Variants in NLRP2 observed in about 807,000 individuals in gnomAD.
NLRP2 encodes the protein NACHT, LRR and PYD domains-containing protein 2.
NLRP2 carries 107 observed loss-of-function variants against 97.2 expected under a neutral mutation model. The ratio of observed to expected loss-of-function variants is 1.10; its 90% CI spans 0.94 to 1.29. The LOEUF is 1.29. Among genes scored for constraint, NLRP2 ranks in the 50% most tolerant of loss-of-function variants. The probability of loss-of-function intolerance (pLI) is 0.00; values close to 1 mark genes in which losing one functional copy is unlikely to be tolerated. For synonymous variants in NLRP2, 663 were observed against 551.5 expected (o/e 1.20, Z -2.83); for missense variants, 1,495 against 1,330.3 (o/e 1.12, Z -1.93).
Position 54,982,824 on chromosome 19 carries a change from G to A in NLRP2, c.1126G>A (p.Asp376Asn). Residue 376 changes from aspartate (D) to asparagine (N), a missense_variant, in exon 6 of 13, where the codon GAC (aspartate) becomes AAC (asparagine). By Grantham distance (23) the Asp-to-Asn change is conservative. Transcript: ENST00000448584. ...TTTCCTGAGACACTTTGGAGACGAG[G>A]ACCAAGCCATGCGTGCCTTTGAGCT... is the stretch of plus-strand genomic sequence containing the variant. ...AYFLRHFGDE[D>N]QAMRAFELMR... The A allele has an allele frequency of 6.2e-7, 1 of 1,613,748 alleles. No individual in the cohort carries two copies. The highest frequency in any genetic ancestry group is 8.5e-7 in the Non-Finnish European group (1 of 1,179,970).
intron 2 of NLRP2, chr19:54,974,234 G>A (rs774987848): frequency 6.9e-6 from 4 of 582,422 alleles, no homozygotes; most frequent in Non-Finnish European, 1.2e-5. Flanking sequence ...TATGCCTATA[G>A]TCCCAGCTAC....
chr19:54,978,644 T>TC (rs1419039327), intron 4 of NLRP2, among the ~76,000 whole-genome samples: 3 of 151,736 alleles, frequency 2.0e-5, no homozygotes, highest in Admixed American at 2.0e-4. Flanking sequence ...GATCAAGAGA[T>TC]CGAGACCATC....
chr19:54,984,483 A>ATTTTTTTTTTTTTTTTTTTTTTT (rs1568505832), intron 6 of NLRP2, among the ~76,000 whole-genome samples: 1 of 46,188 alleles, frequency 2.2e-5, no homozygotes, highest in African/African-American at 1.9e-4. Flanking sequence ...TATATTCCCA[A>ATTTTTTTTTTTTTTTTTTTTTTT]TCTTTTTTTT....
chr19:54,968,568 A>G (rs1045922713), intron 1 of NLRP2, among the ~76,000 whole-genome samples: 5 of 151,312 alleles, frequency 3.3e-5, no homozygotes, highest in Non-Finnish European at 7.4e-5. Context: ...ACTCCAAGCA[A>G]TCCTCCCACC....
chr19:54,975,296 A>G (rs1191964986), intron 3 of NLRP2, among the ~76,000 whole-genome samples: 2 of 117,312 alleles, frequency 1.7e-5, no homozygotes, highest in South Asian at 6.1e-4. Flanking sequence ...AATTTTTTTC[A>G]CTTTTTGTAG....
At position 54,982,784 on chromosome 19, in the gene NLRP2, G is replaced by A; in HGVS notation, c.1086G>A (p.Glu362=). ...IYIRVEGFLE[E]DRRAYFLRHF... is the part of the protein sequence containing the mutation. ...TAAGGGTGGAGGGCTTCCTGGAGGAGGACAGGAGGGCCTATTTCCTGAGAC... is the reference window on the plus strand; with the variant it reads ...TAAGGGTGGAGGGCTTCCTGGAGGAAGACAGGAGGGCCTATTTCCTGAGAC... The change falls in exon 6 of 13, where the codon GAG becomes GAA. Residue 362 remains glutamate, a synonymous_variant. Transcript: ENST00000448584. 2 of 1,614,110 alleles carry A rather than the reference G, an allele frequency of 1.2e-6. No individual in the cohort carries two copies. Among genetic ancestry groups the A allele is most frequent in the Non-Finnish European group, 1.7e-6 (2 of 1,180,014 alleles).
chr19:54,980,213 T>G (rs528410046), intron 4 of NLRP2, among the ~76,000 whole-genome samples: 1,915 of 151,972 alleles, frequency 0.013, 17 homozygotes, highest in Non-Finnish European at 0.017. Flanking sequence ...TTTTGTTTTT[T>G]TTTTTGAGAC....
At chr19:54,991,968 G>A (rs1286816463) in intron 10 of NLRP2, among the ~76,000 whole-genome samples, 18 of 139,770 alleles carry the variant, frequency 1.3e-4, no homozygotes, top group African/African-American at 4.8e-4. Context: ...TCTTGCCCAC[G>A]CTGGCAATGG....
chr19:54,990,862 T>TA, intron 10 of NLRP2, 190 bp downstream of exon 10: 1 of 644,462 alleles, frequency 1.6e-6, no homozygotes, highest in Admixed American at 2.6e-5. Flanking sequence ...GTAGTAGTAA[T>TA]ATTCTATAGG....
intron 3 of NLRP2, among the ~76,000 whole-genome samples, chr19:54,977,219 C>T (rs1435294241): frequency 2.0e-5 from 3 of 151,884 alleles, no homozygotes; most frequent in African/African-American, 4.8e-5. Context: ...GTTGGGAGTT[C>T]GAGACCAGCC....
At chr19:54,980,127 C>G (rs185316279) in intron 4 of NLRP2, among the ~76,000 whole-genome samples, 1 of 151,776 alleles carries the variant, frequency 6.6e-6, no homozygotes, top group East Asian at 1.9e-4. Context: ...ACTGTGGTGC[C>G]TGCTCTATCA....
At chr19:54,993,919 A>T in intron 10 of NLRP2, 1 of 372,966 alleles carries the variant, frequency 2.7e-6, no homozygotes, top group Non-Finnish European at 5.0e-6. Context: ...GCATCTTCAA[A>T]CGTTGCCCTG....
Position 55,000,908 on chromosome 19 carries a change from A to G in NLRP2, c.*10A>G. 1 of 1,613,426 alleles carries G rather than the reference A, an allele frequency of 6.2e-7. No homozygotes were observed. The highest frequency in any genetic ancestry group is 8.5e-7 in the Non-Finnish European group (1 of 1,179,566). On this transcript the variant is annotated 3_prime_UTR_variant, in exon 13 of 13. Transcript: ENST00000448584. ...TGACTTCATGATCTGAATCCCCCCG[A>G]GTCATTCATTCTCCATGAAGTCATC...
At position 54,970,139 on chromosome 19, in the gene NLRP2, A is replaced by G. The variant is rs759028823; in HGVS notation, c.124A>G (p.Ile42Val). 9 of 1,614,090 alleles carry G rather than the reference A, an allele frequency of 5.6e-6. No homozygotes were observed. The highest frequency in any genetic ancestry group is 3.3e-4 in the Middle Eastern group (2 of 6,062). ...TFSLAHELQK[I>V]PHKEVDKADG... ...CTCCCTGGCACACGAGCTCCAGAAG[A>G]TCCCCCACAAGGAGGTAGACAAGGC... Residue 42 changes from isoleucine to valine, a missense_variant, in exon 2 of 13, where the codon ATC becomes GTC. Physicochemically the swap from Ile to Val is conservative, Grantham distance 29. Transcript: ENST00000448584.
At position 54,982,557 on chromosome 19, in the gene NLRP2, A is replaced by G; in HGVS notation, c.859A>G (p.Ile287Val). The change falls in exon 6 of 13, where the codon ATT becomes GTT. Residue 287 changes from isoleucine (I) to valine (V), a missense_variant. Ile to Val is a conservative substitution (Grantham distance 29). Transcript: ENST00000448584. ...LAQARKILFVIDGFDELGAAP... is the reference protein window; with the variant it reads ...LAQARKILFVVDGFDELGAAP... The stretch of plus-strand genomic sequence containing the variant: ...CCAAGCACGGAAAATCTTGTTCGTG[A>G]TTGACGGCTTTGATGAGCTGGGAGC... 1.2e-6 allele frequency: 2 copies of G among 1,614,180 alleles called. No homozygotes were observed. Among genetic ancestry groups the G allele is most frequent in the Middle Eastern group, 1.6e-4 (1 of 6,062 alleles).
Position 54,997,336 on chromosome 19 carries a change from C to T in NLRP2, c.2899C>T (p.Pro967Ser), listed in dbSNP as rs375615677. The change falls in exon 12 of 13, where the codon CCT becomes TCT. Residue 967 changes from proline (P) to serine (S), a missense_variant. Coordinates refer to ENST00000448584, the MANE Select transcript of NLRP2 (RefSeq NM_017852.5). ...RCLWLWGCSI[P>S]PFSCEDLCSA... ...CCCCAGGTTGTGGGGATGTTCCATC[C>T]CTCCGTTCAGTTGTGAAGACCTCTG... is the stretch of plus-strand genomic sequence containing the variant. The T allele has an allele frequency of 1.2e-6, 2 of 1,613,686 alleles. No homozygotes were observed. The highest frequency in any genetic ancestry group is 2.7e-5 in the African/African-American group (2 of 74,908).
At chr19:54,996,497 T>C (rs950502716) in intron 11 of NLRP2, among the ~76,000 whole-genome samples, 3 of 152,028 alleles carry the variant, frequency 2.0e-5, no homozygotes, top group African/African-American at 7.3e-5. Context: ...AGCAAGACTG[T>C]CTCAAAGAAT....
At chr19:54,987,637 G>T (rs1385547530) in intron 8 of NLRP2, among the ~76,000 whole-genome samples, 1 of 151,948 alleles carries the variant, frequency 6.6e-6, no homozygotes, top group Admixed American at 6.6e-5. Flanking sequence ...AGCTACTCAG[G>T]AGGCTGAGGC....
Position 54,983,468 on chromosome 19 carries a change from A to G in NLRP2, c.1770A>G (p.Ile590Met), listed in dbSNP as rs780547731. 6 of 1,614,014 alleles carry G rather than the reference A, an allele frequency of 3.7e-6. No homozygotes were observed. The highest frequency in any genetic ancestry group is 3.3e-5 in the Admixed American group (2 of 59,984). Reference protein sequence around the residue: ...DIKQELLRCDISCKGGHSTVT... With the variant: ...DIKQELLRCDMSCKGGHSTVT... ...AACAGGAATTGCTGCGATGCGACATAAGTTGTAAGGGTGGACATTCAACGG... is the reference window on the plus strand; with the variant it reads ...AACAGGAATTGCTGCGATGCGACATGAGTTGTAAGGGTGGACATTCAACGG... Residue 590 changes from isoleucine to methionine, a missense_variant, in exon 6 of 13, where the codon ATA becomes ATG. Ile to Met is a conservative substitution (Grantham distance 10, BLOSUM62 1). Coordinates refer to ENST00000448584, the MANE Select transcript of NLRP2 (RefSeq NM_017852.5).
Sources: allele counts gnomAD v4.1 joint callset (sites outside exome capture counted in the v4.1 genomes callset), GRCh38; gene constraint gnomAD v4.1.1; transcripts MANE v1.5; gene names NCBI Gene and HGNC (gene_info 2026-07-23, HGNC 2026-07-21).